The following ZNF254 variants were observed in gnomAD, a reference collection of about 807,000 sequenced individuals.
ZNF254 encodes CTD-2017D11.1.
A neutral mutation model predicts 12.4 loss-of-function variants in ZNF254; 10 were observed. The observed-to-expected ratio is 0.80, with a 90% CI of 0.50 to 1.36. The LOEUF (loss-of-function observed/expected upper bound fraction) is 1.36. Ranked by LOEUF, ZNF254 falls within the 40% of genes most tolerant of loss-of-function variation. ZNF254 has a pLI of 0.00. For synonymous variants in ZNF254, 305 were observed against 253.4 expected, an observed-to-expected ratio of 1.20 and a Z score of -1.93; for missense variants, 996 against 763.9, an observed-to-expected ratio of 1.30 and a Z score of -3.58.
chr19:24,092,298 C>T (rs1478555569), intron 1 of ZNF254, among the ~76,000 whole-genome samples: 1 of 151,956 alleles, frequency 6.6e-6, no homozygotes, highest in East Asian at 1.9e-4. Context: ...TCTCGAATAG[C>T]TGGGATTACA....
At chr19:24,104,835 T>C (rs1973238859) in intron 1 of ZNF254, 1 of 152,206 alleles carries the variant, frequency 6.6e-6, no homozygotes, top group East Asian at 1.9e-4. Flanking sequence ...TTATTATCTG[T>C]ATGCATTACA....
chr19:24,127,655 G>T lies in ZNF254; in HGVS notation c.1655G>T (p.Gly552Val). The T allele has an allele frequency of 6.2e-7, 1 of 1,613,430 alleles. No individual in the cohort carries two copies. Among genetic ancestry groups the T allele is most frequent in the Non-Finnish European group, 8.5e-7 (1 of 1,179,744 alleles). Reference protein sequence around the residue: ...EEKPYKCEKCGKAFKQSSILT... With the variant: ...EEKPYKCEKCVKAFKQSSILT... ...AAACCCTACAAATGTGAAAAATGTG[G>T]CAAAGCCTTTAAGCAGTCTTCAATC... Residue 552 changes from glycine to valine, a missense_variant, in exon 4 of 4, where the codon GGC becomes GTC. Coordinates refer to ENST00000357002, the MANE Select transcript of ZNF254 (RefSeq NM_203282.4).
intron 3 of ZNF254, among the ~76,000 whole-genome samples, chr19:24,116,222 C>T (rs1365914874): frequency 6.6e-6 from 1 of 151,962 alleles, no homozygotes; most frequent in Non-Finnish European, 1.5e-5. Flanking sequence ...CTCTGTATTT[C>T]CTGAATCTGA....
intron 2 of ZNF254, among the ~76,000 whole-genome samples, chr19:24,061,720 T>C (rs1971074806): frequency 6.6e-6 from 1 of 152,158 alleles, no homozygotes; most frequent in Admixed American, 6.6e-5. Context: ...ACAGGTTTGA[T>C]GGTGACTCTA....
chr19:24,127,046 C>G lies in ZNF254; in HGVS notation c.1046C>G (p.Pro349Arg), dbSNP rs978073359. Residue 349 changes from proline (P) to arginine (R), a missense_variant, in exon 4 of 4, where the codon CCC (proline) becomes CGC (arginine). By Grantham distance (103) the Pro-to-Arg change is moderately radical. Coordinates refer to ENST00000357002, the MANE Select transcript of ZNF254 (RefSeq NM_203282.4). ...RHKRMHTGEK[P>R]YKCEECGKAF... ...AAGAGGATGCACACTGGAGAGAAAC[C>G]CTACAAATGTGAAGAATGTGGCAAA... 82 of 1,613,100 alleles carry G rather than the reference C, an allele frequency of 5.1e-5. No individual in the cohort carries two copies. Among genetic ancestry groups the G allele is most frequent in the Non-Finnish European group, 6.7e-5 (79 of 1,179,738 alleles).
chr19:24,066,086 C>G lies in ZNF254; in HGVS notation c.-94+19807C>G, dbSNP rs1971259342. 3 of 152,100 alleles carry G rather than the reference C, an allele frequency of 2.0e-5. No individual in the cohort carries two copies. The South Asian group carries it at 6.2e-4, about 32-fold the overall frequency. 9.4% of individuals were successfully genotyped at this position (152,100 alleles called of 1,614,324 possible). On this transcript the variant is annotated intron_variant, in intron 2 of 4. Coordinates refer to the ZNF254 transcript ENST00000613065. Reference sequence around the variant, plus strand: ...AACTCAACACCTAAGGGATGGGAGTCTCCTACCTAGGCCCTTCCTACAGGG... The same window carrying G: ...AACTCAACACCTAAGGGATGGGAGTGTCCTACCTAGGCCCTTCCTACAGGG...
chr19:24,090,866 A>G (rs937040941), intron 1 of ZNF254, among the ~76,000 whole-genome samples: 3 of 152,136 alleles, frequency 2.0e-5, no homozygotes, highest in Admixed American at 2.0e-4. Context: ...TATTTGTTGA[A>G]CATTTTCATT....
At chr19:24,075,273 G>C (rs1249638616) in intron 2 of ZNF254, among the ~76,000 whole-genome samples, 1 of 152,136 alleles carries the variant, frequency 6.6e-6, no homozygotes, top group Non-Finnish European at 1.5e-5. Context: ...CTAGGGAACA[G>C]ACTGCTCCTT....
chr19:24,074,703 G>C (rs546909669), intron 2 of ZNF254, among the ~76,000 whole-genome samples: 19 of 152,136 alleles, frequency 1.2e-4, no homozygotes, highest in Non-Finnish European at 2.8e-4. Flanking sequence ...GGATTGTGAT[G>C]TATCACTTGG....
At chr19:24,057,207 AATT>A (rs1446653187) in intron 2 of ZNF254, among the ~76,000 whole-genome samples, 3 of 152,264 alleles carry the variant, frequency 2.0e-5, no homozygotes, top group Admixed American at 6.5e-5. Context: ...ACACTTTGCC[AATT>A]GTTAAGATTG....
At chr19:24,113,278 C>G (rs1298378610) in intron 3 of ZNF254, among the ~76,000 whole-genome samples, 3 of 152,062 alleles carry the variant, frequency 2.0e-5, no homozygotes, top group Non-Finnish European at 2.9e-5. Context: ...TGCAAAAATC[C>G]TCAATAAAAT....
At chr19:24,095,722 T>G (rs895978402) in intron 1 of ZNF254, among the ~76,000 whole-genome samples, 5 of 152,174 alleles carry the variant, frequency 3.3e-5, no homozygotes, top group Non-Finnish European at 7.4e-5. Context: ...TCAGTGGTAA[T>G]GTCTCTTTTG....
At position 24,068,072 on chromosome 19, in the gene ZNF254, G is replaced by A. The variant is rs184790001; in HGVS notation, c.-94+21793G>A. ...TGACATTAGGGGATGAGAGGCTTCT[G>A]CCTGGGCCCTGCCCACAGATGGCCT... On this transcript the variant is annotated intron_variant, in intron 2 of 4. Coordinates refer to the ZNF254 transcript ENST00000613065. Among the ~76,000 whole-genome samples the A allele has an allele frequency of 2.4e-4, 37 of 152,290 alleles. No homozygotes were observed. In the East Asian group the frequency reaches 6.8e-3, roughly 28 times the overall value.
In ZNF254 at chr19:24,109,538, G is replaced by A. The variant is rs1599728698; in HGVS notation, c.253+2895G>A. Among the ~76,000 whole-genome samples the A allele has an allele frequency of 2.0e-5, 3 of 151,968 alleles. No individual in the cohort carries two copies. The South Asian group carries it at 6.2e-4, about 32-fold the overall frequency. ...TTTTAGACAATCGGCAATTCTGTTT[G>A]TATACTTTAAGTCAGTGTCTGGTTT... On this transcript the variant is annotated intron_variant, in intron 3 of 3. Transcript: ENST00000357002.
At chr19:24,059,395 T>C (rs62114821) in intron 2 of ZNF254, among the ~76,000 whole-genome samples, 22,578 of 152,210 alleles carry the variant, frequency 0.15, 1,936 homozygotes, top group Middle Eastern at 0.22. Context: ...AGGCCCTGCT[T>C]ACAGGTGTGA....
chr19:24,083,904 CAACACTATGGAA>C (rs1971935960), upstream of ZNF254, among the ~76,000 whole-genome samples: 1 of 151,912 alleles, frequency 6.6e-6, no homozygotes, highest in African/African-American at 2.4e-5. Flanking sequence ...TATACTAGTA[CAACACTATGGAA>C]AACAGTATGG....
chr19:24,047,457 C>T (rs530450278), intron 2 of ZNF254, among the ~76,000 whole-genome samples: 2 of 151,652 alleles, frequency 1.3e-5, no homozygotes, highest in Admixed American at 6.6e-5. Context: ...GTAGTAGAGA[C>T]GAGGCCTCGC....
At chr19:24,081,117 C>T (rs1198035681) in intron 2 of ZNF254, among the ~76,000 whole-genome samples, 3 of 151,644 alleles carry the variant, frequency 2.0e-5, no homozygotes, top group African/African-American at 7.3e-5. Context: ...TTCTGGACTG[C>T]TTACTCTGTT....
chr19:24,046,373 T>TTTTATATATATA (rs1555750840), intron 2 of ZNF254: 24 of 95,490 alleles, frequency 2.5e-4, no homozygotes, highest in Middle Eastern at 5.5e-3. Context: ...TTATTATTTT[T>TTTTATATATATA]TATATATATA....
Sources: allele counts gnomAD v4.1 joint callset (sites outside exome capture counted in the v4.1 genomes callset), GRCh38; gene constraint gnomAD v4.1.1; transcripts MANE v1.5; gene names NCBI Gene and HGNC (gene_info 2026-07-23, HGNC 2026-07-21).